Variants in ECHDC1 observed in about 807,000 individuals in gnomAD.
ECHDC1 encodes ethylmalonyl-CoA decarboxylase.
Under a neutral mutation model 29.7 loss-of-function variants are expected in ECHDC1, and 29 were observed. The observed-to-expected ratio is 0.98, with a 90% CI of 0.73 to 1.33. The LOEUF is 1.33. Among genes scored for constraint, ECHDC1 ranks in the 40% most tolerant of loss-of-function variants. The pLI is 0.00. For synonymous variants in ECHDC1, 126 were observed against 123.1 expected (o/e 1.02, Z -0.15); for missense variants, 328 against 350.0 (o/e 0.94, Z 0.50).
At chr6:127,292,384 T>A (rs941524953) in intron 5 of ECHDC1, among the ~76,000 whole-genome samples, 1 of 152,094 alleles carries the variant, frequency 6.6e-6, no homozygotes, top group Non-Finnish European at 1.5e-5. Context: ...AGGTAAAGTG[T>A]GTCTTTTGGA....
At chr6:127,293,566 TGATA>T (rs1308754320) in intron 5 of ECHDC1, among the ~76,000 whole-genome samples, 8 of 152,200 alleles carry the variant, frequency 5.3e-5, no homozygotes, top group Admixed American at 6.5e-5. Context: ...CTGTGTCTCT[TGATA>T]GATACTTTGA....
chr6:127,298,025 C>G (rs1045219960), intron 5 of ECHDC1, among the ~76,000 whole-genome samples: 1 of 152,000 alleles, frequency 6.6e-6, no homozygotes, highest in South Asian at 2.1e-4. Flanking sequence ...GAAGGAGAAA[C>G]AACAAAAACA....
chr6:127,311,144 A>G (rs62437269), intron 5 of ECHDC1, among the ~76,000 whole-genome samples: 32,227 of 152,020 alleles, frequency 0.21, 4,449 homozygotes, highest in Non-Finnish European at 0.32. Flanking sequence ...AGGAAACCAA[A>G]CCTGTGATAT....
intron 2 of ECHDC1, among the ~76,000 whole-genome samples, chr6:127,330,166 T>G (rs1226431683): frequency 6.6e-6 from 1 of 152,206 alleles, no homozygotes; most frequent in Non-Finnish European, 1.5e-5. Flanking sequence ...AGTGGTAGCG[T>G]AGTTCAAATT....
At chr6:127,340,876 A>G (rs1784880012) in intron 1 of ECHDC1, among the ~76,000 whole-genome samples, 1 of 152,178 alleles carries the variant, frequency 6.6e-6, no homozygotes, top group Non-Finnish European at 1.5e-5. Flanking sequence ...TAAACAACAT[A>G]TCTTCTGCTC....
chr6:127,318,399 A>T (rs967056437), intron 3 of ECHDC1, among the ~76,000 whole-genome samples: 3 of 152,202 alleles, frequency 2.0e-5, no homozygotes, highest in African/African-American at 7.2e-5. Flanking sequence ...TTATGCCTTA[A>T]TTATAGTACT....
At chr6:127,330,406 A>C (rs3756993) in intron 2 of ECHDC1, among the ~76,000 whole-genome samples, 81,897 of 152,020 alleles carry the variant, frequency 0.54, 24,197 homozygotes, top group Non-Finnish European at 0.68. Context: ...AAAAAAATTA[A>C]GCTAAATAAT....
intron 5 of ECHDC1, among the ~76,000 whole-genome samples, chr6:127,310,345 T>G (rs1248497158): frequency 6.6e-6 from 1 of 152,050 alleles, no homozygotes. Context: ...AAACATCTCA[T>G]GTACCCCATA....
At chr6:127,315,405 G>A (rs1007947895) in intron 4 of ECHDC1, 25 of 293,942 alleles carry the variant, frequency 8.5e-5, no homozygotes, top group African/African-American at 5.3e-4. Flanking sequence ...ACTCATTGTT[G>A]CCTGAAATAA....
intron 1 of ECHDC1, among the ~76,000 whole-genome samples, chr6:127,333,370 A>T (rs1204558147): frequency 3.9e-5 from 6 of 152,212 alleles, no homozygotes; most frequent in Non-Finnish European, 5.9e-5. Flanking sequence ...CCTTTCACAT[A>T]TTATATAAAT....
At chr6:127,301,310 T>C (rs1582939901) in intron 5 of ECHDC1, among the ~76,000 whole-genome samples, 1 of 152,338 alleles carries the variant, frequency 6.6e-6, no homozygotes, top group African/African-American at 2.4e-5. Context: ...AGTTCATTTC[T>C]TTTATATATT....
chr6:127,306,580 T>C (rs2114591859), intron 5 of ECHDC1, among the ~76,000 whole-genome samples: 1 of 152,306 alleles, frequency 6.6e-6, no homozygotes, highest in South Asian at 2.1e-4. Context: ...TCCAGCCATG[T>C]AGGACGTGCC....
intron 3 of ECHDC1, 94 bp downstream of exon 3, chr6:127,326,898 GAAAGTTATTA>G: frequency 3.0e-6 from 4 of 1,320,652 alleles, no homozygotes; most frequent in Non-Finnish European, 4.1e-6. Context: ...ATAATCCTTT[GAAAGTTATTA>G]AAGTCATCAT....
chr6:127,318,408 C>T (rs1782569207), intron 3 of ECHDC1, among the ~76,000 whole-genome samples: 2 of 152,106 alleles, frequency 1.3e-5, no homozygotes, highest in Admixed American at 1.3e-4. Flanking sequence ...AATTATAGTA[C>T]TTATAAATTG....
At chr6:127,305,315 T>C (rs1274089095) in intron 5 of ECHDC1, among the ~76,000 whole-genome samples, 1 of 152,146 alleles carries the variant, frequency 6.6e-6, no homozygotes. Context: ...GCTAGAATAG[T>C]ATATTCTGCA....
chr6:127,307,398 A>G (rs979916410), intron 5 of ECHDC1, among the ~76,000 whole-genome samples: 1 of 152,204 alleles, frequency 6.6e-6, no homozygotes, highest in African/African-American at 2.4e-5. Context: ...TGGGAGACCA[A>G]GGCGGGCAGA....
intron 2 of ECHDC1, among the ~76,000 whole-genome samples, chr6:127,328,517 C>T (rs1359222701): frequency 1.3e-5 from 2 of 152,186 alleles, no homozygotes; most frequent in Non-Finnish European, 2.9e-5. Context: ...AGTCACCTAA[C>T]ATATTTCTTA....
chr6:127,330,552 A>C (rs557847750), intron 2 of ECHDC1, among the ~76,000 whole-genome samples: 2 of 152,316 alleles, frequency 1.3e-5, no homozygotes, highest in East Asian at 3.9e-4. Flanking sequence ...AATATAATCA[A>C]GATTAATTTA....
intron 3 of ECHDC1, chr6:127,326,381 C>A: frequency 3.6e-6 from 1 of 279,046 alleles, no homozygotes; most frequent in East Asian, 9.7e-5. Flanking sequence ...GCGTGCAGAA[C>A]TGTAAGTCAA....
Sources: allele counts gnomAD v4.1 joint callset (sites outside exome capture counted in the v4.1 genomes callset), GRCh38; gene constraint gnomAD v4.1.1; transcripts MANE v1.5; gene names NCBI Gene and HGNC (gene_info 2026-07-23, HGNC 2026-07-21).